AOPEP: variants seen among roughly 807,000 people sequenced by gnomAD.
AOPEP encodes the protein aminopeptidase O.
A neutral mutation model predicts 98.1 loss-of-function variants in AOPEP; 77 were observed. The observed-to-expected ratio is 0.78, with a 90% CI of 0.65 to 0.95. The LOEUF is 0.95. Ranked by LOEUF, AOPEP falls within the 40% of genes least tolerant of loss-of-function variation. The pLI is 0.00. For missense variants in AOPEP, 1,024 were observed against 1,024.7 expected (o/e 1.00, Z 0.01); for synonymous variants, 346 against 365.3 (o/e 0.95, Z 0.60).
At chr9:94,960,874 C>T (rs796393761) in intron 9 of AOPEP, among the ~76,000 whole-genome samples, 13 of 151,862 alleles carry the variant, frequency 8.6e-5, no homozygotes, top group Admixed American at 2.6e-4. Flanking sequence ...TAGCCGGGCG[C>T]GGTGGGGGGC....
At chr9:95,046,752 A>G (rs1038650135) in intron 13 of AOPEP, among the ~76,000 whole-genome samples, 1 of 152,202 alleles carries the variant, frequency 6.6e-6, no homozygotes, top group African/African-American at 2.4e-5. Context: ...TCTGCAGAAC[A>G]AGTGTTTGGG....
chr9:95,118,290 G>T, the AOPEP span, among the ~76,000 whole-genome samples: 3 of 152,180 alleles, frequency 2.0e-5, no homozygotes, highest in Non-Finnish European at 4.4e-5. Flanking sequence ...AAGTGCTGGG[G>T]TTATAGTCAT....
the AOPEP span, among the ~76,000 whole-genome samples, chr9:95,092,795 C>T: frequency 6.6e-6 from 1 of 152,180 alleles, no homozygotes; most frequent in Non-Finnish European, 1.5e-5. Context: ...TCTGACAGAA[C>T]AGAAGTGCGT....
intron 7 of AOPEP, among the ~76,000 whole-genome samples, chr9:94,943,554 C>A (rs1016648576): frequency 2.1e-5 from 3 of 142,200 alleles, no homozygotes; most frequent in East Asian, 2.1e-4. Context: ...AGATCGTGCC[C>A]CTGCACTCCA....
At chr9:95,133,060 ATCTC>A in the AOPEP span, among the ~76,000 whole-genome samples, 1 of 152,210 alleles carries the variant, frequency 6.6e-6, no homozygotes, top group African/African-American at 2.4e-5. Flanking sequence ...AGTCTTAGAG[ATCTC>A]TCTGATACTT....
chr9:94,761,988 A>G lies in AOPEP; in HGVS notation c.797+1408A>G, dbSNP rs1026213334. Reference sequence around the variant, plus strand: ...CTCCTAGATATTTCAGTTTTGAACTAGAATAATGAGGAAGAAGGAACTATT... The same window carrying G: ...CTCCTAGATATTTCAGTTTTGAACTGGAATAATGAGGAAGAAGGAACTATT... On this transcript the variant is annotated intron_variant, in intron 2 of 16. Transcript: ENST00000375315. Among the ~76,000 whole-genome samples, 5 of 152,356 alleles carry G rather than the reference A, an allele frequency of 3.3e-5. No individual in the cohort carries two copies. The South Asian group carries it at 6.2e-4, about 19-fold the overall frequency.
At position 94,773,015 on chromosome 9, in the gene AOPEP, A is replaced by G. The variant is rs1364921942; in HGVS notation, c.811A>G (p.Thr271Ala). 2 of 1,612,264 alleles carry G rather than the reference A, an allele frequency of 1.2e-6. No individual in the cohort carries two copies. Among genetic ancestry groups the G allele is most frequent in the South Asian group, 1.1e-5 (1 of 90,794 alleles). The change falls in exon 3 of 17, where the codon ACT becomes GCT. Residue 271 changes from threonine (T) to alanine (A), a missense_variant. Coordinates refer to ENST00000375315, the MANE Select transcript of AOPEP (RefSeq NM_001193329.3). The stretch of plus-strand genomic sequence containing the variant: ...TCTCTTCTGCAGGCCATGTGTTTAT[A>G]CTGTGGGATCTCCCATAAACAACAG... ...SDQSGRPCVY[T>A]VGSPINNRAL... is the part of the protein sequence containing the mutation.
intron 1 of AOPEP, among the ~76,000 whole-genome samples, chr9:94,752,676 G>A (rs2132263125): frequency 6.6e-6 from 1 of 152,296 alleles, no homozygotes; most frequent in South Asian, 2.1e-4. Context: ...AAAGGAAATT[G>A]TGGCAGATTG....
the AOPEP span, among the ~76,000 whole-genome samples, chr9:95,142,971 T>A: frequency 6.6e-6 from 1 of 152,182 alleles, no homozygotes; most frequent in Non-Finnish European, 1.5e-5. Context: ...CCCCACAGGT[T>A]AAGGGCTCAG....
chr9:94,918,822 G>A (rs979804200), intron 5 of AOPEP, among the ~76,000 whole-genome samples: 31 of 152,260 alleles, frequency 2.0e-4, no homozygotes, highest in African/African-American at 7.5e-4. Context: ...TGGCCCTGGG[G>A]CTTTCCTCAG....
At chr9:94,800,689 C>A in intron 4 of AOPEP, 68 bp from the exon 5 acceptor site, 2 of 1,566,666 alleles carry the variant, frequency 1.3e-6, no homozygotes, top group African/African-American at 1.3e-5. Flanking sequence ...TCTACATCTG[C>A]AAGATTGCCT....
intron 10 of AOPEP, among the ~76,000 whole-genome samples, chr9:94,977,757 G>T (rs2059940477): frequency 6.6e-6 from 1 of 152,210 alleles, no homozygotes; most frequent in Non-Finnish European, 1.5e-5. Context: ...AGGCCTTTCT[G>T]TGAGGTCTGC....
the AOPEP span, among the ~76,000 whole-genome samples, chr9:95,148,751 A>C: frequency 6.6e-6 from 1 of 152,254 alleles, no homozygotes. Context: ...TTGAAAGTGC[A>C]AGACAGACCA....
intron 13 of AOPEP, among the ~76,000 whole-genome samples, chr9:95,059,357 C>G (rs1258682046): frequency 6.6e-6 from 1 of 152,176 alleles, no homozygotes; most frequent in African/African-American, 2.4e-5. Context: ...GTCTTGTCTC[C>G]TTTCTTTCTG....
intron 3 of AOPEP, among the ~76,000 whole-genome samples, chr9:94,778,374 A>G (rs1168097953): frequency 2.0e-5 from 3 of 152,210 alleles, no homozygotes; most frequent in Non-Finnish European, 2.9e-5. Flanking sequence ...ATAATGACCA[A>G]AAACAGTCTA....
the AOPEP span, chr9:95,099,577 C>A: frequency 4.3e-6 from 1 of 230,816 alleles, no homozygotes; most frequent in Non-Finnish European, 8.6e-6. Flanking sequence ...GAGGGAATGG[C>A]CGAGGGGTGG....
chr9:95,093,559 A>G, the AOPEP span, among the ~76,000 whole-genome samples: 2 of 152,190 alleles, frequency 1.3e-5, no homozygotes, highest in African/African-American at 4.8e-5. Flanking sequence ...TTTCTCATAG[A>G]TCACACATGC....
At chr9:94,767,227 C>T (rs1051926008) in intron 2 of AOPEP, among the ~76,000 whole-genome samples, 3 of 152,102 alleles carry the variant, frequency 2.0e-5, no homozygotes, top group African/African-American at 7.2e-5. Context: ...ACTGCAGAGT[C>T]GGAATCATGA....
At chr9:94,784,564 T>C (rs1043162053) in intron 3 of AOPEP, among the ~76,000 whole-genome samples, 1 of 152,228 alleles carries the variant, frequency 6.6e-6, no homozygotes, top group African/African-American at 2.4e-5. Context: ...TTAAGATAAC[T>C]GTTTTAACAC....
Sources: allele counts gnomAD v4.1 joint callset (sites outside exome capture counted in the v4.1 genomes callset), GRCh38; gene constraint gnomAD v4.1.1; transcripts MANE v1.5; gene names NCBI Gene and HGNC (gene_info 2026-07-23, HGNC 2026-07-21).